Variants in CPSF6 observed in about 807,000 individuals in gnomAD.
The protein encoded by CPSF6 is cleavage and polyadenylation specific factor 6, also known as cleavage and polyadenylation specificity factor subunit 6.
A neutral mutation model predicts 56.7 loss-of-function variants in CPSF6; 10 were observed. The ratio of observed to expected loss-of-function variants is 0.18; its 90% CI spans 0.11 to 0.30. CPSF6 has a LOEUF of 0.30. CPSF6 is among the 10% of genes least tolerant of loss of function. The probability of loss-of-function intolerance (pLI) is 1.00; values close to 1 mark genes in which losing one functional copy is unlikely to be tolerated. For missense variants in CPSF6, 419 were observed against 722.9 expected, an observed-to-expected ratio of 0.58 and a Z score of 4.82; for synonymous variants, 248 against 244.8, an observed-to-expected ratio of 1.01 and a Z score of -0.12.
At position 69,269,028 on chromosome 12, in the gene CPSF6, T is replaced by C. The variant is rs1335783548; in HGVS notation, c.*4-484T>C. The stretch of plus-strand genomic sequence containing the variant: ...TTTGATTTATAATACTTGCAGAAGT[T>C]CCTGTATGCTGTTAAATAAATTAAT... On this transcript the variant is annotated intron_variant, in intron 9 of 9. Coordinates refer to ENST00000435070, the MANE Select transcript of CPSF6 (RefSeq NM_007007.3). Among the ~76,000 whole-genome samples the C allele has an allele frequency of 2.0e-5, 3 of 151,944 alleles. No individual in the cohort carries two copies. The East Asian group carries it at 5.8e-4, about 29-fold the overall frequency.
intron 8 of CPSF6, among the ~76,000 whole-genome samples, chr12:69,261,449 C>T (rs1320546088): frequency 2.0e-5 from 3 of 150,240 alleles, no homozygotes; most frequent in Non-Finnish European, 2.9e-5. Flanking sequence ...CCTATAGTCC[C>T]AGCTACTTGG....
intron 9 of CPSF6, among the ~76,000 whole-genome samples, chr12:69,264,312 T>C (rs1872875621): frequency 6.6e-6 from 1 of 152,132 alleles, no homozygotes; most frequent in Admixed American, 6.5e-5. Flanking sequence ...TGAATTCATC[T>C]ACAAAATTGG....
At chr12:69,242,962 G>C (rs1013657227) in intron 1 of CPSF6, among the ~76,000 whole-genome samples, 1 of 151,970 alleles carries the variant, frequency 6.6e-6, no homozygotes, top group Non-Finnish European at 1.5e-5. Flanking sequence ...ACAAAAATTG[G>C]CCGAGTATGG....
At chr12:69,250,828 G>A (rs1271489350) in intron 1 of CPSF6, among the ~76,000 whole-genome samples, 1 of 151,952 alleles carries the variant, frequency 6.6e-6, no homozygotes, top group East Asian at 1.9e-4. Context: ...TGTATGTTTA[G>A]TAGAGACAGG....
chr12:69,258,565 T>TTC lies in CPSF6; in HGVS notation c.695-25_695-24insTC, dbSNP rs397687335. ...ATCTTATTAGTGAAGTGTTTTTTTT[T>TTC]CTCTCTTTCTCCTTTGTTTTTTAGC... On this transcript the variant is annotated intron_variant, in intron 5 of 9. Coordinates refer to ENST00000435070, the MANE Select transcript of CPSF6 (RefSeq NM_007007.3). The surrounding 1 kb of genome is among the most constrained non-coding windows in gnomAD (Gnocchi z 4.2). The TTC allele has an allele frequency of 1.3e-6, 2 of 1,540,708 alleles. No individual in the cohort carries two copies. Among genetic ancestry groups the TTC allele is most frequent in the South Asian group, 2.5e-5 (2 of 81,266 alleles).
At chr12:69,252,876 A>G (rs1872318287) in intron 2 of CPSF6, among the ~76,000 whole-genome samples, 175 bp from the exon 3 acceptor site, 1 of 152,190 alleles carries the variant, frequency 6.6e-6, no homozygotes, top group Non-Finnish European at 1.5e-5. Flanking sequence ...TTAGGTTCCC[A>G]GATGGTTTTT....
At chr12:69,239,979 G>A (rs1027913100) in intron 1 of CPSF6, among the ~76,000 whole-genome samples, 4 of 150,996 alleles carry the variant, frequency 2.6e-5, no homozygotes, top group African/African-American at 9.7e-5. Context: ...CGCCGGCGCT[G>A]CCTCGCTCCC....
chr12:69,268,981 A>G (rs991667661), intron 9 of CPSF6, among the ~76,000 whole-genome samples: 8 of 151,872 alleles, frequency 5.3e-5, no homozygotes, highest in Non-Finnish European at 1.2e-4. Flanking sequence ...CTTACTTACA[A>G]ATTTTGTAAC....
At chr12:69,252,990 C>A in intron 2 of CPSF6, 61 bp from the exon 3 acceptor site, 1 of 935,576 alleles carries the variant, frequency 1.1e-6, no homozygotes, top group South Asian at 1.8e-5. Flanking sequence ...AAAAACTAGA[C>A]TGGGATAATA....
rs1437817624 is a variant in CPSF6 at position 69,252,972 on chromosome 12, T to C, written c.271-79T>C. The C allele has an allele frequency of 1.0e-5, 8 of 782,404 alleles. No individual in the cohort carries two copies. In the African/African-American group the frequency reaches 1.3e-4, roughly 12 times the overall value. 48.5% of individuals were successfully genotyped at this position (782,404 alleles called of 1,614,324 possible). A position where few individuals can be genotyped will look rare whatever the true frequency, so the allele number is the denominator to read the frequency against. Reference sequence around the variant, plus strand: ...TTATTTTCTCTTTTATGTCTCAAATTTCCCCTTAAAAACTAGACTGGGATA... The same window carrying C: ...TTATTTTCTCTTTTATGTCTCAAATCTCCCCTTAAAAACTAGACTGGGATA... On this transcript the variant is annotated intron_variant, in intron 2 of 9. Coordinates refer to ENST00000435070, the MANE Select transcript of CPSF6 (RefSeq NM_007007.3).
chr12:69,264,703 GATT>G (rs1872891422), intron 9 of CPSF6, among the ~76,000 whole-genome samples: 1 of 152,062 alleles, frequency 6.6e-6, no homozygotes, highest in Non-Finnish European at 1.5e-5. Context: ...TGTTATCCTG[GATT>G]ATTGTACGTT....
chr12:69,243,412 A>G (rs910938965), intron 1 of CPSF6, among the ~76,000 whole-genome samples: 1 of 152,220 alleles, frequency 6.6e-6, no homozygotes, highest in African/African-American at 2.4e-5. Flanking sequence ...AGTCCATCTT[A>G]GGTGCTTTTG....
intron 1 of CPSF6, among the ~76,000 whole-genome samples, chr12:69,241,857 CCAAT>C (rs1871638852): frequency 6.6e-6 from 1 of 151,638 alleles, no homozygotes; most frequent in Non-Finnish European, 1.5e-5. Context: ...ATATCATTGG[CCAAT>C]CAATGATTGA....
At chr12:69,259,240 G>A (rs2120574698) in intron 6 of CPSF6, 146 bp downstream of exon 6, 2 of 1,233,856 alleles carry the variant, frequency 1.6e-6, no homozygotes, top group South Asian at 1.6e-5. Context: ...TTAGCTGAAA[G>A]ATACTGGTAT....
rs1872575711 is a variant in CPSF6 at position 69,257,826 on chromosome 12, C to T, written c.615C>T (p.Gly205=). 2 of 1,613,286 alleles carry T rather than the reference C, an allele frequency of 1.2e-6. No homozygotes were observed. The highest frequency in any genetic ancestry group is 1.7e-4 in the Middle Eastern group (1 of 6,054). ...AAFPQGGRGR[G]RFPGAVPGGD... ...TTCCACAAGGTGGTAGAGGACGGGG[C>T]CGTTTTCCAGGGGCTGTTCCTGGTG... is the stretch of plus-strand genomic sequence containing the variant. The change falls in exon 5 of 10, where the codon GGC becomes GGT. Residue 205 remains glycine, a synonymous_variant. Transcript: ENST00000435070.
intron 2 of CPSF6, chr12:69,252,258 A>T (rs1231212186): frequency 3.0e-5 from 10 of 337,724 alleles, no homozygotes; most frequent in Non-Finnish European, 5.8e-6. Context: ...CAAAACAAAC[A>T]CTTTTGTAGA....
intron 1 of CPSF6, among the ~76,000 whole-genome samples, chr12:69,244,100 G>A (rs749294450): frequency 1.1e-4 from 17 of 152,060 alleles, no homozygotes; most frequent in Non-Finnish European, 2.2e-4. Context: ...GATTACAGGC[G>A]TGAGCCACTG....
chr12:69,240,626 G>C (rs1226717172), intron 1 of CPSF6, among the ~76,000 whole-genome samples: 1 of 151,986 alleles, frequency 6.6e-6, no homozygotes, highest in East Asian at 1.9e-4. Context: ...CTTATGATGT[G>C]GTTTAAAAAT....
Position 69,270,287 on chromosome 12 carries a change from A to G in CPSF6, c.*779A>G, listed in dbSNP as rs543886500. 2.0e-5 allele frequency: 3 copies of G among 152,276 alleles called. No homozygotes were observed. The South Asian group carries it at 6.2e-4, about 32-fold the overall frequency. 9.4% of individuals were successfully genotyped at this position (152,276 alleles called of 1,614,324 possible). On this transcript the variant is annotated 3_prime_UTR_variant, in exon 10 of 10. Transcript: ENST00000435070. ...TTTGACAGACATAGCAATCTAGTCA[A>G]TGTGTAAGGGGTCAAAAAAACAGAG... is the stretch of plus-strand genomic sequence containing the variant.
Sources: gnomAD v4.1 joint callset for allele counts (sites outside exome capture counted in the v4.1 genomes callset) on GRCh38, gnomAD v4.1.1 for gene constraint, Gnocchi (gnomAD v3.1) non-coding constraint, MANE v1.5 for transcripts, NCBI Gene and HGNC (gene_info 2026-07-23, HGNC 2026-07-21) for gene names.